The following MCOLN3 variants were observed in gnomAD, a reference collection of about 807,000 sequenced individuals.
The protein encoded by MCOLN3 is mucolipin TRP cation channel 3, also known as mucolipin-3.
MCOLN3 carries 62 observed loss-of-function variants against 69.4 expected under a neutral mutation model. The ratio of observed to expected loss-of-function variants is 0.89; its 90% CI spans 0.73 to 1.10. MCOLN3 has a LOEUF of 1.10. Ranked by LOEUF, MCOLN3 falls within the 50% of genes least tolerant of loss-of-function variation. MCOLN3 has a pLI of 0.00. For missense variants in MCOLN3, 564 were observed against 656.4 expected, an observed-to-expected ratio of 0.86 and a Z score of 1.54; for synonymous variants, 183 against 217.0, an observed-to-expected ratio of 0.84 and a Z score of 1.38.
At chr1:85,021,019 C>A (rs1397523493) in intron 12 of MCOLN3, 51 bp downstream of exon 12, 1 of 1,379,034 alleles carries the variant, frequency 7.3e-7, no homozygotes, top group East Asian at 2.3e-5. Flanking sequence ...TTTACTGCTA[C>A]TCTACAAGTT....
chr1:85,045,002 T>C (rs1248268280), intron 2 of MCOLN3, 131 bp downstream of exon 2: 6 of 651,246 alleles, frequency 9.2e-6, no homozygotes, highest in East Asian at 8.2e-5. Context: ...TCTAAGATTG[T>C]ATGTTTTCTT....
intron 3 of MCOLN3, among the ~76,000 whole-genome samples, chr1:85,037,236 A>T (rs1419140619): frequency 6.6e-6 from 1 of 152,226 alleles, no homozygotes; most frequent in Non-Finnish European, 1.5e-5. Context: ...GATAAAGTAG[A>T]ATAATGCTGG....
At chr1:85,039,037 A>AT (rs888374291) in intron 3 of MCOLN3, among the ~76,000 whole-genome samples, 3 of 151,926 alleles carry the variant, frequency 2.0e-5, no homozygotes, top group African/African-American at 7.3e-5. Context: ...ATTAACTCAC[A>AT]TTTTTTCTAT....
intron 1 of MCOLN3, chr1:85,047,564 A>G (rs1024166457): frequency 2.6e-5 from 4 of 152,316 alleles, no homozygotes; most frequent in Admixed American, 2.6e-4. Flanking sequence ...AAACGGACAC[A>G]CACAGGTTAC....
In MCOLN3 at chr1:85,027,367, A is replaced by G. The variant is rs531567559; in HGVS notation, c.833-1083T>C. 5.9e-5 allele frequency among the ~76,000 whole-genome samples: 9 copies of G among 152,360 alleles called. No homozygotes were observed. The South Asian group carries it at 1.9e-3, about 32-fold the overall frequency. On this transcript the variant is annotated intron_variant, in intron 7 of 12. Transcript: ENST00000370589. ...CTATTTGATCTTCACAGCAACTCCA[A>G]TGAGGTAAGCATGATTATCCCCACT...
At position 85,019,023 on chromosome 1, in the gene MCOLN3, AAC is replaced by A; in HGVS notation, c.*98_*99del. 5.1e-6 allele frequency: 6 copies of A among 1,168,142 alleles called. No individual in the cohort carries two copies. Among genetic ancestry groups the A allele is most frequent in the Middle Eastern group, 3.0e-4 (1 of 3,384 alleles). 72.4% of individuals were successfully genotyped at this position (1,168,142 alleles called of 1,614,324 possible). A position where few individuals can be genotyped will look rare whatever the true frequency, so the allele number is the denominator to read the frequency against. On this transcript the variant is annotated 3_prime_UTR_variant, in exon 13 of 13. Coordinates refer to ENST00000370589, the MANE Select transcript of MCOLN3 (RefSeq NM_018298.11). ...TTATAGGTCTCAATTAGCTCAAAAT[AAC>A]AGTCTTCAAACATACTACATCTGAT...
chr1:85,027,338 T>TA (rs1212858589), intron 7 of MCOLN3, among the ~76,000 whole-genome samples: 1 of 152,250 alleles, frequency 6.6e-6, no homozygotes. Context: ...TTATATGTGT[T>TA]AACCTATTTG....
chr1:85,025,379 T>C (rs74095739), intron 9 of MCOLN3: 7,921 of 152,286 alleles, frequency 0.052, 233 homozygotes, highest in African/African-American at 0.078. Context: ...GTGATTTTTA[T>C]TTTGTGGGGA....
intron 3 of MCOLN3, among the ~76,000 whole-genome samples, chr1:85,034,576 T>C (rs1652719989): frequency 6.6e-6 from 1 of 152,246 alleles, no homozygotes; most frequent in Non-Finnish European, 1.5e-5. Flanking sequence ...TGATATTCAA[T>C]GTAAATACAT....
chr1:85,030,418 A>T (rs1283235179), intron 6 of MCOLN3, among the ~76,000 whole-genome samples: 5 of 152,250 alleles, frequency 3.3e-5, no homozygotes, highest in African/African-American at 9.6e-5. Flanking sequence ...AGCAACAGAA[A>T]ATATCCAAAA....
intron 12 of MCOLN3, among the ~76,000 whole-genome samples, chr1:85,020,707 G>A (rs1463602517): frequency 1.3e-5 from 2 of 152,106 alleles, no homozygotes; most frequent in Non-Finnish European, 2.9e-5. Context: ...GAGTTTTTAT[G>A]TTCCCCACAA....
chr1:85,045,377 C>A lies in MCOLN3; in HGVS notation c.-2-15G>T, dbSNP rs768339386. 4.3e-5 allele frequency: 60 copies of A among 1,395,228 alleles called. No homozygotes were observed. Among genetic ancestry groups the A allele is most frequent in the African/African-American group, 1.3e-4 (9 of 71,712 alleles). The allele number at this position is 1,395,228 out of a possible 1,614,324, so 86.4% of individuals were successfully genotyped here. ...ATCTGCCATCTCTAGAGGAAAAAAA[C>A]AACAACAACAACAACCAACATTTCC... is the stretch of plus-strand genomic sequence containing the variant. On this transcript the variant is annotated splice_polypyrimidine_tract_variant and intron_variant, in intron 1 of 12. Coordinates refer to ENST00000370589, the MANE Select transcript of MCOLN3 (RefSeq NM_018298.11).
chr1:85,021,012 A>G, intron 12 of MCOLN3, 58 bp downstream of exon 12: 6 of 1,302,572 alleles, frequency 4.6e-6, no homozygotes, highest in Non-Finnish European at 6.4e-6. Flanking sequence ...ACTGAATTTT[A>G]CTGCTACTCT....
intron 9 of MCOLN3, chr1:85,022,696 A>G (rs1284431539): frequency 2.8e-5 from 6 of 214,986 alleles, no homozygotes; most frequent in Non-Finnish European, 4.6e-5. Context: ...AAAAGAAGGC[A>G]TTTGAGCAAA....
chr1:85,026,434 GAAGGGCAA>G, intron 7 of MCOLN3, 150 bp from the exon 8 acceptor site: 1 of 643,874 alleles, frequency 1.6e-6, no homozygotes, highest in Non-Finnish European at 2.7e-6. Flanking sequence ...AGTATTTGAA[GAAGGGCAA>G]AAGTCTTTCT....
chr1:85,036,226 C>G (rs532538029), intron 3 of MCOLN3, among the ~76,000 whole-genome samples: 1 of 152,314 alleles, frequency 6.6e-6, no homozygotes, highest in East Asian at 1.9e-4. Context: ...GAGTCTCGCT[C>G]TGTCACCCAG....
At chr1:85,038,703 C>T (rs1400069645) in intron 3 of MCOLN3, among the ~76,000 whole-genome samples, 4 of 152,206 alleles carry the variant, frequency 2.6e-5, no homozygotes, top group Admixed American at 6.5e-5. Flanking sequence ...TAACAATTTA[C>T]ATTTTGGCCA....
rs780520592 is a variant in MCOLN3 at position 85,045,202 on chromosome 1, G to A, written c.159C>T (p.Phe53=). ...KFFFMNPCEK[F]WARGRKPWKL... ...TCCATGGTTTTCTACCTCGAGCCCA[G>A]AACTTCTCACAGGGATTCATGAAAA... Residue 53 remains phenylalanine, a synonymous_variant, in exon 2 of 13, where the codon TTC becomes TTT. Transcript: ENST00000370589. 1.2e-6 allele frequency: 2 copies of A among 1,613,992 alleles called. No individual in the cohort carries two copies. The highest frequency in any genetic ancestry group is 2.2e-5 in the South Asian group (2 of 91,066).
chr1:85,032,842 G>GT, intron 5 of MCOLN3, 30 bp downstream of exon 5: 2 of 1,613,556 alleles, frequency 1.2e-6, no homozygotes. Context: ...ACGTGCAAAC[G>GT]TAAGTTACAC....
Sources: allele counts gnomAD v4.1 joint callset (sites outside exome capture counted in the v4.1 genomes callset), GRCh38; gene constraint gnomAD v4.1.1; transcripts MANE v1.5; gene names NCBI Gene and HGNC (gene_info 2026-07-23, HGNC 2026-07-21).